The following B3GALT1 variants were observed in gnomAD, a reference collection of about 807,000 sequenced individuals.
B3GALT1 encodes beta-1,3-galactosyltransferase 1, also known as UDP-Gal:betaGlcNAc beta 1,3-galactosyltransferase, polypeptide 1.
B3GALT1 carries 10 observed loss-of-function variants against 23.2 expected under a neutral mutation model. That is an observed-to-expected ratio of 0.43 (90% CI 0.27 to 0.73). The LOEUF (loss-of-function observed/expected upper bound fraction) is 0.73, where lower values mean the gene tolerates loss of function less well. Among genes scored for constraint, B3GALT1 ranks in the 30% least tolerant of loss-of-function variants. The probability of loss-of-function intolerance (pLI) is 0.21; values close to 1 mark genes in which losing one functional copy is unlikely to be tolerated. For synonymous variants in B3GALT1, 156 were observed against 141.5 expected, an observed-to-expected ratio of 1.10 and a Z score of -0.73; for missense variants, 299 against 405.4, an observed-to-expected ratio of 0.74 and a Z score of 2.25.
chr2:167,771,622 A>G (rs971612969), intron 3 of B3GALT1, among the ~76,000 whole-genome samples: 6 of 152,250 alleles, frequency 3.9e-5, no homozygotes, highest in African/African-American at 1.4e-4. Flanking sequence ...CTGGTTTAGA[A>G]TAACTGAAAA....
chr2:167,806,044 A>G (rs1253019880), intron 3 of B3GALT1, among the ~76,000 whole-genome samples: 2 of 152,060 alleles, frequency 1.3e-5, no homozygotes, highest in Non-Finnish European at 2.9e-5. Context: ...GGTCCTTCAC[A>G]TCCCTTGTAA....
chr2:167,730,327 G>A (rs1254965734), intron 3 of B3GALT1, among the ~76,000 whole-genome samples: 1 of 151,944 alleles, frequency 6.6e-6, no homozygotes, highest in African/African-American at 2.4e-5. Context: ...TCTTAATGGT[G>A]TCTGCAACAA....
intron 2 of B3GALT1, among the ~76,000 whole-genome samples, chr2:167,519,468 A>G (rs1558890694): frequency 6.6e-6 from 1 of 152,180 alleles, no homozygotes. Context: ...TTTGCTCATC[A>G]ACATGGATTT....
intron 4 of B3GALT1, among the ~76,000 whole-genome samples, chr2:167,827,358 ACTC>A (rs1295621236): frequency 1.3e-5 from 2 of 152,122 alleles, no homozygotes; most frequent in Non-Finnish European, 2.9e-5. Flanking sequence ...AGTTGGCTCA[ACTC>A]CTAAAGGCTG....
chr2:167,592,257 C>G (rs1188623042), intron 2 of B3GALT1, among the ~76,000 whole-genome samples: 1 of 152,170 alleles, frequency 6.6e-6, no homozygotes, highest in Non-Finnish European at 1.5e-5. Context: ...AACTATGAGG[C>G]TAATGCAGTC....
intron 1 of B3GALT1, among the ~76,000 whole-genome samples, chr2:167,327,355 T>A (rs1384641465): frequency 6.6e-6 from 1 of 152,136 alleles, no homozygotes; most frequent in Non-Finnish European, 1.5e-5. Context: ...GTATGGTTAT[T>A]TTAACAATGT....
rs1214036053 is a variant in B3GALT1, at chr2:167,757,323, T to C, written c.-351-61349T>C. Among the ~76,000 whole-genome samples, 3 of 152,130 alleles carry C rather than the reference T, an allele frequency of 2.0e-5. No homozygotes were observed. The South Asian group carries it at 6.2e-4, about 32-fold the overall frequency. On this transcript the variant is annotated intron_variant, in intron 3 of 4. Transcript: ENST00000392690. ...TATGCCAACTCTGCCACCCCCATGA[T>C]GGTGGGTGTCCAGGGTGACAAAATC... is the stretch of plus-strand genomic sequence containing the variant.
chr2:167,842,134 A>G (rs1013987061), intron 4 of B3GALT1, among the ~76,000 whole-genome samples: 1 of 152,008 alleles, frequency 6.6e-6, no homozygotes, highest in Non-Finnish European at 1.5e-5. Flanking sequence ...CTATTTTATC[A>G]TATCTTCCAG....
chr2:167,446,108 C>G lies in B3GALT1; in HGVS notation c.-510-44069C>G, dbSNP rs144834959. On this transcript the variant is annotated intron_variant, in intron 1 of 4. Transcript: ENST00000392690. ...TGCTTGTCTGTAAAGGATTCTATTT[C>G]TCCTTCACTTATGAAACTTAGTTTG... Among the ~76,000 whole-genome samples, 88 of 152,312 alleles carry G rather than the reference C, an allele frequency of 5.8e-4. No individual in the cohort carries two copies. In the East Asian group the frequency reaches 0.016, roughly 27 times the overall value.
At chr2:167,708,472 C>T (rs1369836922) in intron 3 of B3GALT1, among the ~76,000 whole-genome samples, 1 of 152,126 alleles carries the variant, frequency 6.6e-6, no homozygotes, top group Non-Finnish European at 1.5e-5. Context: ...ACCAGCCTGA[C>T]CAACATGGAG....
intron 3 of B3GALT1, among the ~76,000 whole-genome samples, chr2:167,713,305 CT>C (rs1406778426): frequency 6.6e-6 from 1 of 152,148 alleles, no homozygotes; most frequent in African/African-American, 2.4e-5. Flanking sequence ...GAAGGAAGAT[CT>C]GTTTGAACTG....
chr2:167,809,905 G>T (rs180938244), intron 3 of B3GALT1, among the ~76,000 whole-genome samples: 2,881 of 152,260 alleles, frequency 0.019, 88 homozygotes, highest in African/African-American at 0.062. Context: ...AGGCAGGCAG[G>T]CCTCCTTGAG....
chr2:167,470,765 G>T (rs900185495), intron 1 of B3GALT1, among the ~76,000 whole-genome samples: 5 of 152,112 alleles, frequency 3.3e-5, no homozygotes, highest in Non-Finnish European at 7.4e-5. Context: ...TACTTTGAGA[G>T]ATATAGCAAA....
rs1279767753 is a variant in B3GALT1, at chr2:167,353,234, C to G, written c.-511+59900C>G. ...GAATATATACAGGATAATTGGGACA[C>G]AGTTATTTCCTAAAATTGTATTTGG... On this transcript the variant is annotated intron_variant, in intron 1 of 4. Coordinates refer to ENST00000392690, the MANE Select transcript of B3GALT1 (RefSeq NM_020981.4). Among the ~76,000 whole-genome samples, 13 of 152,214 alleles carry G rather than the reference C, an allele frequency of 8.5e-5. No homozygotes were observed. The East Asian group carries it at 2.5e-3, about 29-fold the overall frequency.
chr2:167,781,667 A>G (rs981899605), intron 3 of B3GALT1, among the ~76,000 whole-genome samples: 2 of 152,118 alleles, frequency 1.3e-5, no homozygotes, highest in Non-Finnish European at 2.9e-5. Flanking sequence ...GGAATGGACC[A>G]TGGTCAGTGT....
Position 167,811,373 on chromosome 2 carries a change from G to A in B3GALT1, c.-351-7299G>A, listed in dbSNP as rs149658123. ...CCAAGGCATGGGAAACACTTTCACA[G>A]CGGCAGATTTAACTCCCTTTTTCTT... On this transcript the variant is annotated intron_variant, in intron 3 of 4. Coordinates refer to ENST00000392690, the MANE Select transcript of B3GALT1 (RefSeq NM_020981.4). Among the ~76,000 whole-genome samples, 882 of 152,312 alleles carry A rather than the reference G, an allele frequency of 5.8e-3. 10 individuals are homozygous for A. The highest frequency in any genetic ancestry group is 0.018 in the African/African-American group (764 of 41,568).
intron 2 of B3GALT1, among the ~76,000 whole-genome samples, chr2:167,623,872 A>G (rs1159842739): frequency 6.6e-6 from 1 of 152,098 alleles, no homozygotes; most frequent in African/African-American, 2.4e-5. Context: ...TGTATTTAAT[A>G]TATGAACTCA....
chr2:167,749,685 G>C (rs1687704665), intron 3 of B3GALT1, among the ~76,000 whole-genome samples: 1 of 152,172 alleles, frequency 6.6e-6, no homozygotes, highest in Non-Finnish European at 1.5e-5. Flanking sequence ...TCTCCACTTG[G>C]AGTCTTGAAG....
intron 3 of B3GALT1, among the ~76,000 whole-genome samples, chr2:167,707,615 T>C (rs1353357354): frequency 6.6e-6 from 1 of 152,188 alleles, no homozygotes; most frequent in African/African-American, 2.4e-5. Flanking sequence ...AAGACATTGC[T>C]TCTGCCTCTC....
Sources: gnomAD v4.1 joint callset for allele counts (sites outside exome capture counted in the v4.1 genomes callset) on GRCh38, gnomAD v4.1.1 for gene constraint, MANE v1.5 for transcripts, NCBI Gene and HGNC (gene_info 2026-07-23, HGNC 2026-07-21) for gene names.